The following JAML variants were observed in gnomAD, a reference collection of about 807,000 sequenced individuals.
JAML encodes junctional adhesion molecule-like.
A neutral mutation model predicts 39.3 loss-of-function variants in JAML; 25 were observed. That is an observed-to-expected ratio of 0.64 (90% CI 0.46 to 0.89). JAML has a LOEUF of 0.89. JAML is among the 40% of genes least tolerant of loss of function. The probability of loss-of-function intolerance (pLI) is 0.00; values close to 1 mark genes in which losing one functional copy is unlikely to be tolerated. For missense variants in JAML, 440 were observed against 486.9 expected (o/e 0.90, Z 0.91); for synonymous variants, 162 against 179.2 (o/e 0.90, Z 0.77).
chr11:118,215,327 T>C (rs1015132032), intron 1 of JAML, among the ~76,000 whole-genome samples: 1 of 152,116 alleles, frequency 6.6e-6, no homozygotes, highest in African/African-American at 2.4e-5. Context: ...AGCCTGAAAT[T>C]TTTCCCCATC....
rs769308889 is a variant in JAML at position 118,203,430 on chromosome 11, C to T, written c.770G>A (p.Arg257Gln). 10 of 1,613,530 alleles carry T rather than the reference C, an allele frequency of 6.2e-6. No individual in the cohort carries two copies. The highest frequency in any genetic ancestry group is 2.2e-5 in the East Asian group (1 of 44,890). The change falls in exon 6 of 10, where the codon CGA becomes CAA. Residue 257 changes from arginine (R) to glutamine (Q), a missense_variant and splice_region_variant. Coordinates refer to ENST00000356289, the MANE Select transcript of JAML (RefSeq NM_001098526.2). ...CTCCCCAGCCAAATGTTAGATACTT[C>T]GAGGCTCTTCCGGGCTGACATGCAG... The part of the protein sequence containing the change: ...IVLHVSPEEP[R>Q]TLVTPAALRP...
chr11:118,212,962 T>C, intron 2 of JAML: 2 of 1,614,156 alleles, frequency 1.2e-6, no homozygotes, highest in Non-Finnish European at 1.7e-6. Context: ...TCCCACTGGT[T>C]CCCTCTCTGA....
intron 2 of JAML, chr11:118,213,021 T>C: frequency 3.1e-6 from 5 of 1,610,590 alleles, no homozygotes; most frequent in Non-Finnish European, 4.2e-6. Context: ...TTAGTTCCTT[T>C]ACAAAAGCAT....
chr11:118,199,702 T>A (rs866790688), intron 7 of JAML, among the ~76,000 whole-genome samples: 4,131 of 144,234 alleles, frequency 0.029, 58 homozygotes, highest in Middle Eastern at 0.052. Flanking sequence ...TATTTTTTTT[T>A]TTTTTTTTTT....
At chr11:118,196,615 T>C in intron 9 of JAML, 120 bp downstream of exon 9, 2 of 787,262 alleles carry the variant, frequency 2.5e-6, no homozygotes, top group South Asian at 1.5e-5. Flanking sequence ...CTCAGACTTT[T>C]CTGCTACTTA....
intron 5 of JAML, chr11:118,204,517 C>T (rs570164248): frequency 6.6e-6 from 1 of 152,492 alleles, no homozygotes; most frequent in Non-Finnish European, 1.5e-5. Context: ...GCCACATGGA[C>T]CTCTTGGCTG....
chr11:118,194,950 G>A (rs191960512), intron 9 of JAML, among the ~76,000 whole-genome samples: 1 of 152,310 alleles, frequency 6.6e-6, no homozygotes, highest in Non-Finnish European at 1.5e-5. Flanking sequence ...TGAGTTTGCA[G>A]CCCAGGCCTC....
intron 7 of JAML, among the ~76,000 whole-genome samples, chr11:118,199,146 C>A (rs564173715): frequency 1.0e-3 from 155 of 152,296 alleles, no homozygotes; most frequent in Non-Finnish European, 1.4e-3. Flanking sequence ...TGGCAATTAT[C>A]CCTATTTTTA....
chr11:118,198,674 T>TAAA (rs61119825), intron 7 of JAML, among the ~76,000 whole-genome samples: 49 of 127,632 alleles, frequency 3.8e-4, no homozygotes, highest in Admixed American at 6.2e-4. Context: ...AAGTCAGAAC[T>TAAA]AAAAAAAAAA....
intron 6 of JAML, 49 bp downstream of exon 6, chr11:118,203,379 T>C (rs200705601): frequency 2.6e-6 from 4 of 1,518,540 alleles, no homozygotes; most frequent in East Asian, 4.5e-5. Flanking sequence ...CCTGGCGCCA[T>C]GCACCAGCCA....
chr11:118,207,961 G>C (rs887901101), intron 4 of JAML, among the ~76,000 whole-genome samples: 3 of 152,188 alleles, frequency 2.0e-5, no homozygotes, highest in African/African-American at 7.2e-5. Context: ...GAAGCAAAAA[G>C]AGAATCCTTT....
intron 4 of JAML, among the ~76,000 whole-genome samples, chr11:118,206,529 CA>C (rs1454348118): frequency 6.6e-6 from 1 of 152,096 alleles, no homozygotes; most frequent in Non-Finnish European, 1.5e-5. Context: ...AAAAATGAAC[CA>C]GGGGTAACTT....
intron 1 of JAML, among the ~76,000 whole-genome samples, chr11:118,223,442 C>T (rs1368140195): frequency 6.6e-6 from 1 of 152,122 alleles, no homozygotes; most frequent in African/African-American, 2.4e-5. Flanking sequence ...TTGGATCTAA[C>T]ATTAATAATA....
At chr11:118,204,617 T>G (rs1401514355) in intron 5 of JAML, 1 of 152,162 alleles carries the variant, frequency 6.6e-6, no homozygotes, top group Non-Finnish European at 1.5e-5. Context: ...CAGGGTTCAC[T>G]CCCTCTCCTC....
chr11:118,223,094 CAAAAAAA>C (rs56175225), intron 1 of JAML, among the ~76,000 whole-genome samples: 3 of 93,196 alleles, frequency 3.2e-5, no homozygotes, highest in Non-Finnish European at 4.2e-5. Flanking sequence ...GACTCTGTCT[CAAAAAAA>C]AAAAAAAAAA....
intron 4 of JAML, among the ~76,000 whole-genome samples, chr11:118,209,819 A>C (rs1949008104): frequency 6.6e-6 from 1 of 151,996 alleles, no homozygotes; most frequent in Admixed American, 6.6e-5. Context: ...GATTACAGGC[A>C]TGAGCCATCA....
At chr11:118,217,088 T>C (rs1265370613) in intron 1 of JAML, among the ~76,000 whole-genome samples, 1 of 152,156 alleles carries the variant, frequency 6.6e-6, no homozygotes, top group Non-Finnish European at 1.5e-5. Context: ...GGAGGAGTAA[T>C]GACTAATTTA....
intron 2 of JAML, 120 bp downstream of exon 2, chr11:118,214,704 A>G: frequency 4.8e-6 from 5 of 1,043,956 alleles, no homozygotes; most frequent in Non-Finnish European, 7.2e-6. Context: ...GAAGTTCCAC[A>G]TTAGGGTTTC....
In JAML at chr11:118,194,409, A is replaced by G. The variant is rs1318269917; in HGVS notation, c.1101T>C (p.Val367=). ...TCCGATCTGACCTCAGAGAAGGCCA[A>G]ACTGGGTGCTGTGGGGGAAGGGCAG... ...SEATYMTMHP[V]WPSLRSDRNN... The change falls in exon 10 of 10, where the codon GTT becomes GTC. Residue 367 remains valine (V), a synonymous_variant. Transcript: ENST00000356289. The G allele has an allele frequency of 2.5e-5, 40 of 1,613,842 alleles. No individual in the cohort carries two copies. The Admixed American group carries it at 5.0e-4, about 20-fold the overall frequency.
Sources: allele counts gnomAD v4.1 joint callset (sites outside exome capture counted in the v4.1 genomes callset), GRCh38; gene constraint gnomAD v4.1.1; transcripts MANE v1.5; gene names NCBI Gene and HGNC (gene_info 2026-07-23, HGNC 2026-07-21).